Variants in SUSD4 observed in about 807,000 individuals in gnomAD.
SUSD4 encodes the protein sushi domain containing 4.
SUSD4 carries 41 observed loss-of-function variants against 50.5 expected under a neutral mutation model. The ratio of observed to expected loss-of-function variants is 0.81; its 90% CI spans 0.63 to 1.05. The LOEUF is 1.05. Among genes scored for constraint, SUSD4 ranks in the 50% least tolerant of loss-of-function variants. The probability of loss-of-function intolerance (pLI) is 0.00; values close to 1 mark genes in which losing one functional copy is unlikely to be tolerated. For synonymous variants in SUSD4, 257 were observed against 257.3 expected (o/e 1.00, Z 0.01); for missense variants, 580 against 634.7 (o/e 0.91, Z 0.93).
chr1:223,356,897 C>T (rs773128537), intron 2 of SUSD4, among the ~76,000 whole-genome samples: 41 of 152,322 alleles, frequency 2.7e-4, no homozygotes, highest in Middle Eastern at 6.8e-3. Context: ...GGTGGCGATA[C>T]AGCTAAAAAC....
intron 5 of SUSD4, among the ~76,000 whole-genome samples, chr1:223,262,165 G>A (rs1209244800): frequency 1.3e-5 from 2 of 152,186 alleles, no homozygotes; most frequent in African/African-American, 4.8e-5. Flanking sequence ...AGTGTGACAG[G>A]CACACTGACA....
At chr1:223,308,824 T>C (rs1423103591) in intron 2 of SUSD4, among the ~76,000 whole-genome samples, 2 of 152,140 alleles carry the variant, frequency 1.3e-5, no homozygotes, top group Non-Finnish European at 2.9e-5. Flanking sequence ...GGGCCTGCAA[T>C]ACTTTGCCCC....
At chr1:223,269,728 A>G (rs751981666) in intron 3 of SUSD4, among the ~76,000 whole-genome samples, 1 of 152,250 alleles carries the variant, frequency 6.6e-6, no homozygotes, top group Non-Finnish European at 1.5e-5. Context: ...AACCAAGAAC[A>G]GCATTTTGTG....
intron 5 of SUSD4, among the ~76,000 whole-genome samples, chr1:223,254,802 T>C (rs1048669428): frequency 6.6e-6 from 1 of 152,158 alleles, no homozygotes; most frequent in Non-Finnish European, 1.5e-5. Flanking sequence ...TTACTTATTG[T>C]AAAAGAAGAA....
intron 7 of SUSD4, among the ~76,000 whole-genome samples, chr1:223,225,745 AC>A (rs1229643555): frequency 1.3e-5 from 2 of 151,006 alleles, no homozygotes; most frequent in Admixed American, 6.6e-5. Flanking sequence ...TCCATTTCTC[AC>A]CCTAACAGTC....
intron 5 of SUSD4, among the ~76,000 whole-genome samples, chr1:223,237,544 GT>G (rs889257183): frequency 2.6e-5 from 4 of 151,160 alleles, no homozygotes; most frequent in Non-Finnish European, 5.9e-5. Context: ...TTTACTGGGA[GT>G]TTTTTTTTAA....
At chr1:223,353,732 A>G (rs1019849638) in intron 2 of SUSD4, among the ~76,000 whole-genome samples, 17 of 152,180 alleles carry the variant, frequency 1.1e-4, no homozygotes, top group African/African-American at 4.1e-4. Context: ...CCGGTGCCCC[A>G]GGACAGAGGA....
intron 5 of SUSD4, among the ~76,000 whole-genome samples, chr1:223,234,511 T>C (rs1660087960): frequency 2.0e-5 from 3 of 152,224 alleles, no homozygotes; most frequent in Non-Finnish European, 4.4e-5. Flanking sequence ...CCAGCATGAT[T>C]CTTGATAAAC....
chr1:223,354,036 A>G (rs1317674233), intron 2 of SUSD4, among the ~76,000 whole-genome samples: 1 of 148,676 alleles, frequency 6.7e-6, no homozygotes, highest in African/African-American at 2.5e-5. Context: ...TGTCTCAAGA[A>G]AAAAAAAAAA....
intron 3 of SUSD4, among the ~76,000 whole-genome samples, chr1:223,282,049 T>C (rs1663780035): frequency 6.6e-6 from 1 of 152,192 alleles, no homozygotes; most frequent in Admixed American, 6.5e-5. Context: ...CCCTTCATGC[T>C]AAAAACTCTC....
chr1:223,350,674 T>G (rs1307477575), intron 2 of SUSD4, among the ~76,000 whole-genome samples: 3 of 152,252 alleles, frequency 2.0e-5, no homozygotes, highest in African/African-American at 7.2e-5. Context: ...TGAACTTGGC[T>G]GTGGAGTCCT....
intron 3 of SUSD4, among the ~76,000 whole-genome samples, chr1:223,284,210 C>A (rs1663975868): frequency 1.3e-5 from 2 of 152,118 alleles, no homozygotes; most frequent in Admixed American, 6.5e-5. Context: ...CGCACATGTA[C>A]CCTAGAACTT....
chr1:223,242,949 G>A (rs747682606), intron 5 of SUSD4, among the ~76,000 whole-genome samples: 14 of 152,198 alleles, frequency 9.2e-5, no homozygotes, highest in Non-Finnish European at 1.6e-4. Context: ...TTAGGCAAAA[G>A]TGTCTACCCT....
intron 2 of SUSD4, among the ~76,000 whole-genome samples, chr1:223,340,878 A>G (rs2103299246): frequency 6.6e-6 from 1 of 152,274 alleles, no homozygotes; most frequent in South Asian, 2.1e-4. Context: ...GCTGAAACTG[A>G]CCTCTAGAAA....
chr1:223,229,154 A>G lies in SUSD4; in HGVS notation c.916+43T>C. 1 of 1,551,976 alleles carries G rather than the reference A, an allele frequency of 6.4e-7. No individual in the cohort carries two copies. Among genetic ancestry groups the G allele is most frequent in the Non-Finnish European group, 8.8e-7 (1 of 1,133,482 alleles). On this transcript the variant is annotated intron_variant, in intron 6 of 8. Coordinates refer to ENST00000366878, the MANE Select transcript of SUSD4 (RefSeq NM_017982.4). This position sits in a 1 kb window ranked among gnomAD's most constrained non-coding sequence, Gnocchi z 4.7. The stretch of plus-strand genomic sequence containing the variant: ...ACCACCCACTATGTGCAGATGGTCC[A>G]AGGAGGGTCCATCTCCTCCAAGGGT...
At chr1:223,343,427 C>T (rs1275035834) in intron 2 of SUSD4, among the ~76,000 whole-genome samples, 1 of 152,100 alleles carries the variant, frequency 6.6e-6, no homozygotes. Context: ...TCTGTTTTTG[C>T]TGACCAGTGC....
chr1:223,279,847 G>T (rs1278997791), intron 3 of SUSD4, among the ~76,000 whole-genome samples: 1 of 152,180 alleles, frequency 6.6e-6, no homozygotes, highest in African/African-American at 2.4e-5. Flanking sequence ...AGAAAGGTTA[G>T]GTTACCCACA....
chr1:223,339,856 C>T (rs769941561), intron 2 of SUSD4, among the ~76,000 whole-genome samples: 1 of 152,206 alleles, frequency 6.6e-6, no homozygotes, highest in African/African-American at 2.4e-5. Flanking sequence ...TGAGGCCCAC[C>T]GACCACTTTT....
intron 3 of SUSD4, 21 bp downstream of exon 3, chr1:223,292,418 G>A (rs374374646): frequency 5.2e-5 from 84 of 1,613,652 alleles, no homozygotes; most frequent in East Asian, 1.8e-4. Context: ...AGTGGCTTCC[G>A]TGGAGAAGTA....
Sources: allele counts gnomAD v4.1 joint callset (sites outside exome capture counted in the v4.1 genomes callset), GRCh38; gene constraint gnomAD v4.1.1; non-coding constraint Gnocchi (gnomAD v3.1); transcripts MANE v1.5; gene names NCBI Gene and HGNC (gene_info 2026-07-23, HGNC 2026-07-21).